DNAH2: variants seen among roughly 807,000 people sequenced by gnomAD.
The protein encoded by DNAH2 is axonemal beta dynein heavy chain 2.
DNAH2 carries 323 observed loss-of-function variants against 523.5 expected under a neutral mutation model. That is an observed-to-expected ratio of 0.62 (90% CI 0.56 to 0.68). DNAH2 has a LOEUF of 0.68. Among genes scored for constraint, DNAH2 ranks in the 30% least tolerant of loss-of-function variants. The pLI is 0.00. For missense variants in DNAH2, 4,907 were observed against 5,701.5 expected, an observed-to-expected ratio of 0.86 and a Z score of 4.49; for synonymous variants, 2,093 against 2,177.4, an observed-to-expected ratio of 0.96 and a Z score of 1.08.
chr17:7,737,024 T>C (rs1260005910), intron 7 of DNAH2, 43 bp from the exon 8 acceptor site: 13 of 1,537,426 alleles, frequency 8.5e-6, no homozygotes, highest in Non-Finnish European at 1.2e-5. Context: ...GAATCAGTGC[T>C]TTCTAGTGCA....
chr17:7,763,712 C>A, intron 18 of DNAH2, 119 bp from the exon 19 acceptor site: 1 of 1,172,382 alleles, frequency 8.5e-7, no homozygotes, highest in Non-Finnish European at 1.2e-6. Context: ...AGTAGAAGAA[C>A]ACTCTAGAAC....
chr17:7,733,803 CTT>C (rs2075062719), intron 5 of DNAH2, among the ~76,000 whole-genome samples: 1 of 152,036 alleles, frequency 6.6e-6, no homozygotes, highest in South Asian at 2.1e-4. Context: ...TCCAGACACA[CTT>C]TTCTGTTGTG....
At chr17:7,804,015 T>C (rs1323273659) in intron 58 of DNAH2, among the ~76,000 whole-genome samples, 1 of 152,110 alleles carries the variant, frequency 6.6e-6, no homozygotes, top group Non-Finnish European at 1.5e-5. Context: ...AAGCTGATTC[T>C]GGTAGTGGTG....
intron 44 of DNAH2, among the ~76,000 whole-genome samples, chr17:7,789,029 T>C (rs1429700358): frequency 1.3e-5 from 2 of 152,108 alleles, no homozygotes; most frequent in Admixed American, 1.3e-4. Flanking sequence ...CCAGGTGTGG[T>C]GGCACGTGCC....
rs17806045 is a variant in DNAH2, at chr17:7,779,287, C to G, written c.5586C>G (p.Ile1862Met). The change falls in exon 36 of 86, where the codon ATC (isoleucine) becomes ATG (methionine). Residue 1862 changes from isoleucine to methionine, a missense_variant. Ile to Met is a conservative substitution (Grantham distance 10, BLOSUM62 1). This residue lies in a region of DNAH2 where 2,806 missense variants were observed against 3,190.8 expected (regional missense o/e 0.88). Coordinates refer to ENST00000572933, the MANE Select transcript of DNAH2 (RefSeq NM_020877.5). ...TTGATGAGTTTAACCGCATCAACATCGAGGTGCTGTCAGTGGTGGCCCACC... is the reference window on the plus strand; with the variant it reads ...TTGATGAGTTTAACCGCATCAACATGGAGGTGCTGTCAGTGGTGGCCCACC... Reference protein sequence around the residue: ...GCFDEFNRINIEVLSVVAHQI... With the variant: ...GCFDEFNRINMEVLSVVAHQI... 2 of 1,614,004 alleles carry G rather than the reference C, an allele frequency of 1.2e-6. No individual in the cohort carries two copies. The highest frequency in any genetic ancestry group is 2.7e-5 in the African/African-American group (2 of 74,920).
chr17:7,741,246 CTT>C (rs1374434373), intron 11 of DNAH2, among the ~76,000 whole-genome samples: 2 of 33,876 alleles, frequency 5.9e-5, no homozygotes, highest in Non-Finnish European at 1.0e-4. Context: ...CTCTTTCTTT[CTT>C]TCTTTCTTTC....
Position 7,818,307 on chromosome 17 carries a change from T to C in DNAH2, c.10388-5T>C, listed in dbSNP as rs1388618231. ...TCCTTGCCCCTGACCCTTCCGTGGATGCAGGTGGTCGGCTGTTGATGCGCA... is the reference window on the plus strand; with the variant it reads ...TCCTTGCCCCTGACCCTTCCGTGGACGCAGGTGGTCGGCTGTTGATGCGCA... On this transcript the variant is annotated splice_polypyrimidine_tract_variant and splice_region_variant and intron_variant, in intron 68 of 85. Coordinates refer to ENST00000572933, the MANE Select transcript of DNAH2 (RefSeq NM_020877.5). 6.2e-7 allele frequency: 1 copy of C among 1,613,974 alleles called. No individual in the cohort carries two copies. Among genetic ancestry groups the C allele is most frequent in the South Asian group, 1.1e-5 (1 of 91,054 alleles).
chr17:7,823,757 G>C (rs568235166), intron 74 of DNAH2, 77 bp from the exon 75 acceptor site: 1 of 1,584,224 alleles, frequency 6.3e-7, no homozygotes, highest in East Asian at 2.2e-5. Flanking sequence ...CACATTCCCG[G>C]CAGGTGCCCC....
rs7224413 is a variant in DNAH2 at position 7,807,060 on chromosome 17, G to A, written c.9443-90G>A. ...CTTAGGAACTGAGCCCAGGAAAAAT[G>A]TGGCTATGCGTGAGTAGTGGAGGTG... On this transcript the variant is annotated intron_variant, in intron 61 of 85. Transcript: ENST00000572933. This position sits in a 1 kb window ranked among gnomAD's most constrained non-coding sequence, Gnocchi z 5.6. The A allele has an allele frequency of 2.5e-3, 3,605 of 1,466,728 alleles. 58 individuals carry two copies. The African/African-American group carries it at 0.034, about 14-fold the overall frequency. 90.9% of individuals were successfully genotyped at this position (1,466,728 alleles called of 1,614,324 possible). A position where few individuals can be genotyped will look rare whatever the true frequency, so the allele number is the denominator to read the frequency against.
intron 8 of DNAH2, among the ~76,000 whole-genome samples, chr17:7,738,692 T>C (rs2075214608): frequency 6.6e-6 from 1 of 152,148 alleles, no homozygotes; most frequent in Non-Finnish European, 1.5e-5. Flanking sequence ...CTTTTCCTCC[T>C]ATCTTGACCC....
intron 77 of DNAH2, among the ~76,000 whole-genome samples, chr17:7,826,535 CTTTTTTTTTTTTTT>C (rs35943055): frequency 1.6e-4 from 18 of 111,228 alleles, no homozygotes; most frequent in Non-Finnish European, 3.2e-4. Flanking sequence ...TGCCCATCAT[CTTTTTTTTTTTTTT>C]TTTTTTTTGA....
rs560031577 is a variant in DNAH2 at position 7,789,080 on chromosome 17, C to T, written c.6900+836C>T. ...TTGGGAGGCTGAGACAGGACAATCG[C>T]TTGAACCCAGGAGGCAGAGGCTGCA... On this transcript the variant is annotated intron_variant, in intron 44 of 85. Transcript: ENST00000572933. Among the ~76,000 whole-genome samples, 3 of 152,354 alleles carry T rather than the reference C, an allele frequency of 2.0e-5. No homozygotes were observed. In the South Asian group the frequency reaches 6.2e-4, roughly 32 times the overall value.
In DNAH2 at chr17:7,768,019, C is replaced by A; in HGVS notation, c.3795C>A (p.His1265Gln). ...CGGAAACCATGGAGACCACGGCCCACGGGCTGTTTCGTCGCCTCACAAAAT... is the reference window on the plus strand; with the variant it reads ...CGGAAACCATGGAGACCACGGCCCAAGGGCTGTTTCGTCGCCTCACAAAAT... ...LQTETMETTA[H>Q]GLFRRLTKLA... The change falls in exon 23 of 86, where the codon CAC (histidine) becomes CAA (glutamine). Residue 1265 changes from histidine to glutamine, a missense_variant. His to Gln is a conservative substitution (Grantham distance 24, BLOSUM62 0). Transcript: ENST00000572933. 1 of 1,614,092 alleles carries A rather than the reference C, an allele frequency of 6.2e-7. No homozygotes were observed. The highest frequency in any genetic ancestry group is 8.5e-7 in the Non-Finnish European group (1 of 1,180,032).
At position 7,794,774 on chromosome 17, in the gene DNAH2, A is replaced by G. The variant is rs181294381; in HGVS notation, c.7674+416A>G. 2.2e-3 allele frequency among the ~76,000 whole-genome samples: 209 copies of G among 95,818 alleles called. 5 individuals are homozygous for G. The East Asian group carries it at 0.052, about 24-fold the overall frequency. 62.9% of individuals were successfully genotyped at this position (95,818 alleles called of 152,430 possible). On this transcript the variant is annotated intron_variant, in intron 49 of 85. Coordinates refer to ENST00000572933, the MANE Select transcript of DNAH2 (RefSeq NM_020877.5). ...TTCCTTTTTTTTTTTTTTTTTTTTG[A>G]GACAGGGTCTCACTCTGTTGCCCAG...
In DNAH2 at chr17:7,773,559, A is replaced by G. The variant is rs2076373110; in HGVS notation, c.4502-1200A>G. ...GAACCCAATTGCCATCAATCAGAAC[A>G]TGTTTCTGTTCGTGTCTCCCTCCCA... On this transcript the variant is annotated intron_variant, in intron 28 of 85. Transcript: ENST00000572933. 3.3e-5 allele frequency among the ~76,000 whole-genome samples: 5 copies of G among 152,206 alleles called. 1 individual carries two copies. The highest frequency in any genetic ancestry group is 3.4e-3 in the Middle Eastern group (1 of 294).
At position 7,798,493 on chromosome 17, in the gene DNAH2, A is replaced by T; in HGVS notation, c.8399-65A>T. On this transcript the variant is annotated intron_variant, in intron 54 of 85. Transcript: ENST00000572933. The surrounding 1 kb of genome is among the most constrained non-coding windows in gnomAD (Gnocchi z 5.5). ...GGCGGGGAGGGTTCCTAAATCTCAG[A>T]AAAGGAATCAAGCCCAGGATGGGGA... 1 of 1,595,738 alleles carries T rather than the reference A, an allele frequency of 6.3e-7. No individual in the cohort carries two copies. The highest frequency in any genetic ancestry group is 8.5e-7 in the Non-Finnish European group (1 of 1,171,106).
chr17:7,723,090 C>T (rs2074673958), intron 2 of DNAH2, among the ~76,000 whole-genome samples: 1 of 151,038 alleles, frequency 6.6e-6, no homozygotes, highest in East Asian at 1.9e-4. Context: ...CTGCCTCAGC[C>T]TCCAGAGTAG....
At chr17:7,768,812 G>A (rs1417318278) in intron 24 of DNAH2, among the ~76,000 whole-genome samples, 4 of 152,094 alleles carry the variant, frequency 2.6e-5, no homozygotes, top group Admixed American at 6.5e-5. Context: ...GTCTTTCTTC[G>A]CCTGGCTTAT....
rs761308917 is a variant in DNAH2 at position 7,794,288 on chromosome 17, G to A, written c.7604G>A (p.Gly2535Glu). Residue 2535 changes from glycine to glutamate, a missense_variant, in exon 49 of 86, where the codon GGG becomes GAG. By Grantham distance (98) the Gly-to-Glu change is moderately conservative. Around this residue, in one of 3 missense-constraint regions of DNAH2, gnomAD observed 250 missense variants for 371.3 expected, o/e 0.67. Transcript: ENST00000572933. ...CTGATGGCTGCCATGGGCCCCCCTG[G>A]GGGTGGACGGACTGTCATCTCCCCA... ...MFLMAAMGPP[G>E]GGRTVISPRL... is the part of the protein sequence containing the mutation. 1.2e-6 allele frequency: 2 copies of A among 1,609,894 alleles called. No homozygotes were observed. The highest frequency in any genetic ancestry group is 1.7e-6 in the Non-Finnish European group (2 of 1,178,196).
Sources: allele counts gnomAD v4.1 joint callset (sites outside exome capture counted in the v4.1 genomes callset), GRCh38; gene constraint gnomAD v4.1.1; regional missense constraint gnomAD v4.1.1; non-coding constraint Gnocchi (gnomAD v3.1); transcripts MANE v1.5; gene names NCBI Gene and HGNC (gene_info 2026-07-23, HGNC 2026-07-21).